The following ADAM32 variants were observed in gnomAD, a reference collection of about 807,000 sequenced individuals.
ADAM32 encodes ADAM metallopeptidase domain 32, also known as disintegrin and metalloproteinase domain-containing protein 32.
Under a neutral mutation model 114.9 loss-of-function variants are expected in ADAM32, and 89 were observed. That is an observed-to-expected ratio of 0.77 (90% CI 0.65 to 0.92). The LOEUF is 0.92. Ranked by LOEUF, ADAM32 falls within the 40% of genes least tolerant of loss-of-function variation. The pLI is 0.00. For synonymous variants in ADAM32, 285 were observed against 307.5 expected (o/e 0.93, Z 0.77); for missense variants, 870 against 932.8 (o/e 0.93, Z 0.88).
At chr8:39,187,555 G>A (rs1404697488) in intron 11 of ADAM32, among the ~76,000 whole-genome samples, 1 of 152,198 alleles carries the variant, frequency 6.6e-6, no homozygotes, top group Admixed American at 6.5e-5. Flanking sequence ...ACAGGCGTGA[G>A]CCACCGCGCC....
At position 39,211,124 on chromosome 8, in the gene ADAM32, T is replaced by G; in HGVS notation, c.1053-20T>G. 3 of 1,495,484 alleles carry G rather than the reference T, an allele frequency of 2.0e-6. No individual in the cohort carries two copies. The highest frequency in any genetic ancestry group is 2.7e-6 in the Non-Finnish European group (3 of 1,122,308). The allele number at this position is 1,495,484 out of a possible 1,614,324, so 92.6% of individuals were successfully genotyped here. On this transcript the variant is annotated intron_variant, in intron 11 of 24. Transcript: ENST00000379907. ...TTCCAGAAGTATACTGCCAATGACA[T>G]TATATGGATTCATCTTTAGGCAATC...
intron 10 of ADAM32, among the ~76,000 whole-genome samples, 161 bp from the exon 11 acceptor site, chr8:39,186,748 A>G (rs1182275749): frequency 1.3e-5 from 2 of 152,172 alleles, no homozygotes; most frequent in African/African-American, 4.8e-5. Flanking sequence ...TCTCAGTAAA[A>G]CTTCATAAGA....
At chr8:39,255,577 CT>C (rs1485659068) in intron 18 of ADAM32, among the ~76,000 whole-genome samples, 5 of 151,302 alleles carry the variant, frequency 3.3e-5, no homozygotes, top group Non-Finnish European at 7.4e-5. Flanking sequence ...GATGGAATTC[CT>C]TTTTTTCTTG....
intron 11 of ADAM32, among the ~76,000 whole-genome samples, chr8:39,202,357 A>C (rs1392045581): frequency 6.6e-6 from 1 of 152,038 alleles, no homozygotes; most frequent in Non-Finnish European, 1.5e-5. Flanking sequence ...TAGTCTTGGG[A>C]GGGTGTATGT....
intron 3 of ADAM32, among the ~76,000 whole-genome samples, chr8:39,146,702 C>T (rs993762056): frequency 1.4e-4 from 21 of 152,186 alleles, no homozygotes; most frequent in African/African-American, 3.9e-4. Flanking sequence ...TGAGCCACCA[C>T]GTCCAGCCTC....
chr8:39,122,691 A>C (rs1378099799), intron 2 of ADAM32, among the ~76,000 whole-genome samples: 2 of 152,136 alleles, frequency 1.3e-5, no homozygotes, highest in East Asian at 3.9e-4. Flanking sequence ...ATTCTCATGC[A>C]TCAGCCTCCC....
intron 18 of ADAM32, 144 bp downstream of exon 18, chr8:39,254,660 C>A: frequency 1.8e-6 from 1 of 553,720 alleles, no homozygotes; most frequent in Non-Finnish European, 3.0e-6. Flanking sequence ...GGAATGGAAA[C>A]CAAACATGCC....
chr8:39,226,488 A>G (rs951644801), intron 14 of ADAM32, among the ~76,000 whole-genome samples: 5 of 152,150 alleles, frequency 3.3e-5, no homozygotes, highest in African/African-American at 1.2e-4. Flanking sequence ...AAGACATATT[A>G]TAATAAAACC....
At chr8:39,281,004 G>A (rs1352135245) in intron 22 of ADAM32, 132 bp from the exon 23 acceptor site, 6 of 228,324 alleles carry the variant, frequency 2.6e-5, no homozygotes, top group African/African-American at 4.7e-5. Flanking sequence ...GGATGGTCTC[G>A]ATCTCCTGAC....
At chr8:39,157,099 T>C (rs1471080984) in intron 6 of ADAM32, among the ~76,000 whole-genome samples, 2 of 152,184 alleles carry the variant, frequency 1.3e-5, no homozygotes, top group Non-Finnish European at 2.9e-5. Context: ...CCTCCAGCAC[T>C]TTAAATGTCA....
intron 11 of ADAM32, among the ~76,000 whole-genome samples, chr8:39,190,618 G>A (rs1391513849): frequency 6.6e-6 from 1 of 152,172 alleles, no homozygotes; most frequent in African/African-American, 2.4e-5. Context: ...TCATGGCGGT[G>A]TTGATTTAAA....
chr8:39,219,545 T>G (rs1175887225), intron 12 of ADAM32, among the ~76,000 whole-genome samples: 1 of 152,146 alleles, frequency 6.6e-6, no homozygotes, highest in Non-Finnish European at 1.5e-5. Context: ...AGGGCAACAT[T>G]GAATTCAATG....
At chr8:39,205,920 C>G (rs1807798433) in intron 11 of ADAM32, among the ~76,000 whole-genome samples, 1 of 151,700 alleles carries the variant, frequency 6.6e-6, no homozygotes, top group Non-Finnish European at 1.5e-5. Flanking sequence ...TTTTGTATTC[C>G]TTTAGAGGAA....
intron 2 of ADAM32, among the ~76,000 whole-genome samples, chr8:39,121,581 C>T (rs1017094610): frequency 2.0e-5 from 3 of 152,086 alleles, no homozygotes; most frequent in Admixed American, 1.3e-4. Flanking sequence ...CACATGTACT[C>T]CAGAACTTGA....
At chr8:39,158,583 A>G (rs1804304071) in intron 6 of ADAM32, 1 of 330,412 alleles carries the variant, frequency 3.0e-6, no homozygotes, top group South Asian at 3.1e-5. Flanking sequence ...GAGGTGGACC[A>G]GTTTAGAAGG....
rs147676343 is a variant in ADAM32 at position 39,192,607 on chromosome 8, G to A, written c.1052+5562G>A. On this transcript the variant is annotated intron_variant, in intron 11 of 24. Coordinates refer to ENST00000379907, the MANE Select transcript of ADAM32 (RefSeq NM_145004.7). ...CTTGTTTGTGTGGTTGCTTTATAGT[G>A]TCATTGCTCTGTGTATTTCAGTGTG... is the stretch of plus-strand genomic sequence containing the variant. Among the ~76,000 whole-genome samples the A allele has an allele frequency of 4.8e-3, 728 of 152,256 alleles. 3 individuals are homozygous for A. Among genetic ancestry groups the A allele is most frequent in the Non-Finnish European group, 8.3e-3 (565 of 68,000 alleles).
intron 19 of ADAM32, among the ~76,000 whole-genome samples, chr8:39,266,754 T>C (rs1812385878): frequency 6.6e-6 from 1 of 152,178 alleles, no homozygotes; most frequent in Non-Finnish European, 1.5e-5. Flanking sequence ...AGTTCTTGCA[T>C]TGGTTCTTTC....
chr8:39,170,172 T>C (rs1380285126), intron 10 of ADAM32, among the ~76,000 whole-genome samples, 175 bp downstream of exon 10: 3 of 152,164 alleles, frequency 2.0e-5, no homozygotes, highest in African/African-American at 7.2e-5. Context: ...GATCAATATC[T>C]TGTTGCAATT....
At chr8:39,248,628 T>C (rs927783457) in intron 17 of ADAM32, among the ~76,000 whole-genome samples, 1 of 152,190 alleles carries the variant, frequency 6.6e-6, no homozygotes, top group African/African-American at 2.4e-5. Flanking sequence ...ATGTCATATA[T>C]GAACAAAGAC....
Sources: gnomAD v4.1 joint callset for allele counts (sites outside exome capture counted in the v4.1 genomes callset) on GRCh38, gnomAD v4.1.1 for gene constraint, MANE v1.5 for transcripts, NCBI Gene and HGNC (gene_info 2026-07-23, HGNC 2026-07-21) for gene names.